The following MSX1 variants were observed in gnomAD, a reference collection of about 807,000 sequenced individuals.
MSX1 encodes the protein msh homeobox 1.
MSX1 carries 11 observed loss-of-function variants against 17.0 expected under a neutral mutation model. The ratio of observed to expected loss-of-function variants is 0.65; its 90% confidence interval spans 0.41 to 1.07. The LOEUF is 1.07. Ranked by LOEUF, MSX1 falls within the 50% of genes least tolerant of loss-of-function variation. The pLI is 0.00. For synonymous variants in MSX1, 253 were observed against 211.8 expected, an observed-to-expected ratio of 1.19 and a Z score of -1.69; for missense variants, 477 against 440.1, an observed-to-expected ratio of 1.08 and a Z score of -0.75.
At chr4:4,861,414 C>A (rs941042051) in intron 1 of MSX1, among the ~76,000 whole-genome samples, 1 of 152,210 alleles carries the variant, frequency 6.6e-6, no homozygotes, top group African/African-American at 2.4e-5. Context: ...GGTGTTAACA[C>A]GAGATTTCGT....
chr4:4,863,106 C>G lies in MSX1; in HGVS notation c.875C>G (p.Thr292Arg). ...CCTGTGGCGCCCGTGGGACTCTACA[C>G]GGCCCATGTGGGCTACAGCATGTAC... is the stretch of plus-strand genomic sequence containing the variant. ...ALPVAPVGLYTAHVGYSMYHL... is the reference protein window; with the variant it reads ...ALPVAPVGLYRAHVGYSMYHL... The change falls in exon 2 of 2, where the codon ACG becomes AGG. Residue 292 changes from threonine to arginine, a missense_variant. By Grantham distance (71) the Thr-to-Arg change is moderately conservative (BLOSUM62 -1). Around this residue, in one of 3 missense-constraint regions of MSX1, gnomAD observed 114 missense variants for 106.3 expected, o/e 1.07. Transcript: ENST00000382723. 6.2e-7 allele frequency: 1 copy of G among 1,609,226 alleles called. No individual in the cohort carries two copies.
chr4:4,860,650 G>T (rs1029668814), intron 1 of MSX1, among the ~76,000 whole-genome samples: 1 of 152,204 alleles, frequency 6.6e-6, no homozygotes, highest in African/African-American at 2.4e-5. Flanking sequence ...ACGACCTCAG[G>T]GGTCCATGAT....
rs765964401 is a variant in MSX1, at chr4:4,862,744, G to GCA, written c.513_514insCA (p.Asn172GlnfsTer46). 1 of 1,613,382 alleles carries GCA rather than the reference G, an allele frequency of 6.2e-7. No individual in the cohort carries two copies. Among genetic ancestry groups the GCA allele is most frequent in the African/African-American group, 1.3e-5 (1 of 75,058 alleles). On this transcript the variant is annotated frameshift_variant, in exon 2 of 2. Transcript: ENST00000382723. LOFTEE classifies it high-confidence loss of function. ...CCTGCACCCTCCGCAAACACAAGAC[G>GCA]AACCGTAAGCCGCGGACGCCCTTCA...
Position 4,861,250 on chromosome 4 carries a change from C to G in MSX1, c.469+882C>G, listed in dbSNP as rs575935297. Among the ~76,000 whole-genome samples the G allele has an allele frequency of 2.0e-5, 3 of 152,368 alleles. No homozygotes were observed. In the South Asian group the frequency reaches 6.2e-4, roughly 32 times the overall value. On this transcript the variant is annotated intron_variant, in intron 1 of 1. Transcript: ENST00000382723. ...TTGAAAGGCCAGTCCCTCCCTAAGC[C>G]TAATGGCCGGAGAAGGTGGCCCCGC... is the stretch of plus-strand genomic sequence containing the variant.
rs138620114 is a variant in MSX1 at position 4,862,909 on chromosome 4, G to A, written c.678G>A (p.Lys226=). ...VKIWFQNRRA[K]AKRLQEAELE... The stretch of plus-strand genomic sequence containing the variant: ...TATGGTTCCAGAACCGCCGCGCCAA[G>A]GCAAAGAGACTACAAGAGGCAGAGC... The change falls in exon 2 of 2, where the codon AAG becomes AAA. Residue 226 remains lysine, a synonymous_variant. Coordinates refer to ENST00000382723, the MANE Select transcript of MSX1 (RefSeq NM_002448.3). The A allele has an allele frequency of 1.4e-5, 23 of 1,613,492 alleles. No individual in the cohort carries two copies. The African/African-American group carries it at 2.8e-4, about 20-fold the overall frequency.
At position 4,860,260 on chromosome 4, in the gene MSX1, G is replaced by A; in HGVS notation, c.361G>A (p.Gly121Arg). The A allele has an allele frequency of 6.3e-7, 1 of 1,595,480 alleles. No individual in the cohort carries two copies. ...SPRPLGHFSV[G>R]GLLKLPEDAL... ...GCGGCCGCTCGGCCATTTCTCGGTG[G>A]GGGGACTCCTCAAGCTGCCAGAAGA... The change falls in exon 1 of 2, where the codon GGG becomes AGG. Residue 121 changes from glycine to arginine, a missense_variant. Physicochemically the swap from Gly to Arg is moderately radical, Grantham distance 125 (BLOSUM62 -2). Coordinates refer to ENST00000382723, the MANE Select transcript of MSX1 (RefSeq NM_002448.3).
chr4:4,859,755 T>TG lies in MSX1; in HGVS notation c.-141dup, dbSNP rs1223273500. 5 of 457,892 alleles carry TG rather than the reference T, an allele frequency of 1.1e-5. No homozygotes were observed. The highest frequency in any genetic ancestry group is 4.2e-5 in the African/African-American group (2 of 47,464). 28.4% of individuals were successfully genotyped at this position (457,892 alleles called of 1,614,324 possible). A position where few individuals can be genotyped will look rare whatever the true frequency, so the allele number is the denominator to read the frequency against. On this transcript the variant is annotated 5_prime_UTR_variant, in exon 1 of 2. Transcript: ENST00000382723. ...GCCCAGCACGCCGGAGCTGGCCTGC[T>TG]GGGGAGGGGCGGGAGGCGCGCGCGG...
In MSX1 at chr4:4,863,423, C is replaced by T. The variant is rs1026609461; in HGVS notation, c.*280C>T. On this transcript the variant is annotated 3_prime_UTR_variant, in exon 2 of 2. Transcript: ENST00000382723. The stretch of plus-strand genomic sequence containing the variant: ...AGAGGTTAACAGATTTATCTAAGGT[C>T]CCCAGCAGAATTGACAGTTGAACAG... 6.9e-6 allele frequency: 3 copies of T among 436,494 alleles called. No homozygotes were observed. The highest frequency in any genetic ancestry group is 1.2e-5 in the Non-Finnish European group (3 of 240,734). 27.0% of individuals were successfully genotyped at this position (436,494 alleles called of 1,614,324 possible). A position where few individuals can be genotyped will look rare whatever the true frequency, so the allele number is the denominator to read the frequency against.
Position 4,863,350 on chromosome 4 carries a change from G to GAAACGGCGAC in MSX1, c.*207_*208insAAACGGCGAC. 1 of 386,214 alleles carries GAAACGGCGAC rather than the reference G, an allele frequency of 2.6e-6. No individual in the cohort carries two copies. The highest frequency in any genetic ancestry group is 4.5e-6 in the Non-Finnish European group (1 of 222,454). 23.9% of individuals were successfully genotyped at this position (386,214 alleles called of 1,614,324 possible). A position where few individuals can be genotyped will look rare whatever the true frequency, so the allele number is the denominator to read the frequency against. On this transcript the variant is annotated 3_prime_UTR_variant, in exon 2 of 2. Coordinates refer to ENST00000382723, the MANE Select transcript of MSX1 (RefSeq NM_002448.3). ...GGAAGAGTCCCTTAGTACTCTTCTAGCATTTAGATCTACACTCTCGAGTTA... is the reference window on the plus strand; with the variant it reads ...GGAAGAGTCCCTTAGTACTCTTCTAGAAACGGCGACCATTTAGATCTACACTCTCGAGTTA...
chr4:4,863,777 A>G lies in MSX1; in HGVS notation c.*634A>G, dbSNP rs1026309542. On this transcript the variant is annotated 3_prime_UTR_variant, in exon 2 of 2. Transcript: ENST00000382723. The stretch of plus-strand genomic sequence containing the variant: ...GAAACACAATTGTAAAATTAAAAAA[A>G]AAAAAAAACTCTTTCTATTTAACAG... 1 of 151,882 alleles carries G rather than the reference A, an allele frequency of 6.6e-6. No individual in the cohort carries two copies. Among genetic ancestry groups the G allele is most frequent in the African/African-American group, 2.4e-5 (1 of 41,214 alleles). 9.4% of individuals were successfully genotyped at this position (151,882 alleles called of 1,614,324 possible).
rs1057244243 is a variant in MSX1 at position 4,859,813 on chromosome 4, G to A, written c.-87G>A. On this transcript the variant is annotated 5_prime_UTR_variant, in exon 1 of 2. Transcript: ENST00000382723. ...CGCCCGGCCAGGGCCCCGGGCGCTC[G>A]CAGAGGCCGGCCGCGCTCCCAGCCC... 2 of 1,209,322 alleles carry A rather than the reference G, an allele frequency of 1.7e-6. No individual in the cohort carries two copies. The highest frequency in any genetic ancestry group is 3.3e-4 in the Middle Eastern group (1 of 3,064). 74.9% of individuals were successfully genotyped at this position (1,209,322 alleles called of 1,614,324 possible).
In MSX1 at chr4:4,863,259, C is replaced by A; in HGVS notation, c.*116C>A. 1.8e-6 allele frequency: 2 copies of A among 1,100,718 alleles called. No individual in the cohort carries two copies. The highest frequency in any genetic ancestry group is 2.6e-6 in the Non-Finnish European group (2 of 764,352). 68.2% of individuals were successfully genotyped at this position (1,100,718 alleles called of 1,614,324 possible). A position where few individuals can be genotyped will look rare whatever the true frequency, so the allele number is the denominator to read the frequency against. The stretch of plus-strand genomic sequence containing the variant: ...CGCCTTCCCTTTAACCCTCACACTG[C>A]TCCAGTTTCACCTCTTTGCTCCCTG... On this transcript the variant is annotated 3_prime_UTR_variant, in exon 2 of 2. Transcript: ENST00000382723.
Position 4,863,425 on chromosome 4 carries a change from C to A in MSX1, c.*282C>A. The stretch of plus-strand genomic sequence containing the variant: ...AGGTTAACAGATTTATCTAAGGTCC[C>A]CAGCAGAATTGACAGTTGAACAGAG... On this transcript the variant is annotated 3_prime_UTR_variant, in exon 2 of 2. Transcript: ENST00000382723. The A allele has an allele frequency of 2.3e-6, 1 of 431,594 alleles. No homozygotes were observed. 26.7% of individuals were successfully genotyped at this position (431,594 alleles called of 1,614,324 possible).
intron 1 of MSX1, 146 bp from the exon 2 acceptor site, chr4:4,862,555 C>A: frequency 1.0e-6 from 1 of 958,978 alleles, no homozygotes; most frequent in Non-Finnish European, 1.7e-6. Flanking sequence ...AAATATATTT[C>A]AAGTGCCTTG....
At chr4:4,860,483 G>T in intron 1 of MSX1, 115 bp downstream of exon 1, 1 of 1,328,710 alleles carries the variant, frequency 7.5e-7, no homozygotes, top group Non-Finnish European at 1.0e-6. Context: ...GCCGGTGCTA[G>T]GGAGCCGTGG....
At chr4:4,862,291 C>A in intron 1 of MSX1, 1 of 363,722 alleles carries the variant, frequency 2.7e-6, no homozygotes, top group South Asian at 2.4e-5. Context: ...GGCGCAGGGC[C>A]TCTTTCTGCA....
chr4:4,859,802 C>A lies in MSX1; in HGVS notation c.-98C>A. The stretch of plus-strand genomic sequence containing the variant: ...GCGGGAGGGTCCGCCCGGCCAGGGC[C>A]CCGGGCGCTCGCAGAGGCCGGCCGC... On this transcript the variant is annotated 5_prime_UTR_variant, in exon 1 of 2. Transcript: ENST00000382723. 9.1e-7 allele frequency: 1 copy of A among 1,096,810 alleles called. No homozygotes were observed. The highest frequency in any genetic ancestry group is 3.5e-5 in the South Asian group (1 of 28,822). The allele number at this position is 1,096,810 out of a possible 1,614,324, so 67.9% of individuals were successfully genotyped here.
At position 4,859,928 on chromosome 4, in the gene MSX1, T is replaced by C. The variant is rs767362471; in HGVS notation, c.29T>C (p.Leu10Ser). 76 of 1,496,590 alleles carry C rather than the reference T, an allele frequency of 5.1e-5. No individual in the cohort carries two copies. Among genetic ancestry groups the C allele is most frequent in the Admixed American group, 6.8e-5 (3 of 44,006 alleles). 92.7% of individuals were successfully genotyped at this position (1,496,590 alleles called of 1,614,324 possible). Residue 10 changes from leucine to serine, a missense_variant, in exon 1 of 2, where the codon TTG (leucine) becomes TCG (serine). Physicochemically the swap from Leu to Ser is moderately radical, Grantham distance 145. Transcript: ENST00000382723. ...GCCCCGGCTGCTGACATGACTTCTTTGCCACTCGGTGTCAAAGTGGAGGAC... is the reference window on the plus strand; with the variant it reads ...GCCCCGGCTGCTGACATGACTTCTTCGCCACTCGGTGTCAAAGTGGAGGAC... Reference protein sequence around the residue: MAPAADMTSLPLGVKVEDSA... With the variant: MAPAADMTSSPLGVKVEDSA...
At chr4:4,862,609 G>C (rs754768903) in intron 1 of MSX1, 92 bp from the exon 2 acceptor site, 9 of 1,434,860 alleles carry the variant, frequency 6.3e-6, no homozygotes, top group Non-Finnish European at 8.7e-6. Context: ...TCAATATCTG[G>C]TATTGTTTGG....
Sources: allele counts gnomAD v4.1 joint callset (sites outside exome capture counted in the v4.1 genomes callset), GRCh38; gene constraint gnomAD v4.1.1; regional missense constraint gnomAD v4.1.1; transcripts MANE v1.5; gene names NCBI Gene and HGNC (gene_info 2026-07-23, HGNC 2026-07-21).